The following GABRA3 variants were observed in gnomAD, a reference collection of about 807,000 sequenced individuals.
GABRA3 encodes the protein gamma-aminobutyric acid type A receptor subunit alpha3.
In GABRA3, 10 loss-of-function variants were observed where a neutral mutation model predicts 30.1. The observed-to-expected ratio is 0.33, with a 90% CI of 0.20 to 0.56. The LOEUF (loss-of-function observed/expected upper bound fraction) is 0.56. Ranked by LOEUF, GABRA3 falls within the 20% of genes least tolerant of loss-of-function variation. The probability of loss-of-function intolerance (pLI) is 0.89; values close to 1 mark genes in which losing one functional copy is unlikely to be tolerated. For synonymous variants in GABRA3, 151 were observed against 146.8 expected, an observed-to-expected ratio of 1.03 and a Z score of -0.21; for missense variants, 233 against 392.0, an observed-to-expected ratio of 0.59 and a Z score of 3.42.
chrX:152,247,663 A>C (rs1275812986), intron 5 of GABRA3, among the ~76,000 whole-genome samples: 4 of 111,827 alleles, frequency 3.6e-5, no homozygotes, highest in African/African-American at 1.3e-4. Context: ...CACTTCCTGC[A>C]ATGGTCTATG....
chrX:152,292,509 A>G (rs1186850128), intron 3 of GABRA3, among the ~76,000 whole-genome samples: 3 of 110,998 alleles, frequency 2.7e-5, no homozygotes, highest in Non-Finnish European at 5.7e-5. Flanking sequence ...TCCTGGATTC[A>G]CTGATTTTTT....
chrX:152,316,859 C>T (rs1254783841), intron 3 of GABRA3, among the ~76,000 whole-genome samples: 1 of 111,751 alleles, frequency 8.9e-6, no homozygotes, highest in Admixed American at 9.5e-5. Context: ...GCTAAAAGGA[C>T]CTCTGAATCT....
chrX:152,386,649 A>C lies in GABRA3; in HGVS notation c.-26-22053T>G, dbSNP rs368920857. On this transcript the variant is annotated intron_variant, in intron 1 of 9. Transcript: ENST00000370314. ...GATCATTAAAAAGTCAGGAAACAAC[A>C]GGTGCTGGAGAGGATGTGGAGAAAT... 4.4e-3 allele frequency among the ~76,000 whole-genome samples: 473 copies of C among 107,139 alleles called. 2 individuals carry two copies. Among genetic ancestry groups the C allele is most frequent in the African/African-American group, 0.015 (456 of 29,560 alleles). The allele number at this position is 107,139 out of a possible 115,157, so 93.0% of individuals were successfully genotyped here.
chrX:152,311,105 T>C (rs1939792351), intron 3 of GABRA3, among the ~76,000 whole-genome samples: 1 of 111,421 alleles, frequency 9.0e-6, no homozygotes, highest in Non-Finnish European at 1.9e-5. Context: ...GGACCAGATG[T>C]GCTCATGGCC....
At chrX:152,301,742 C>G (rs1939635253) in intron 3 of GABRA3, among the ~76,000 whole-genome samples, 1 of 111,172 alleles carries the variant, frequency 9.0e-6, no homozygotes, top group African/African-American at 3.3e-5. Flanking sequence ...CTATGTTGGC[C>G]AGGCTGGTCT....
intron 3 of GABRA3, among the ~76,000 whole-genome samples, chrX:152,335,147 A>G (rs953967512): frequency 1.8e-5 from 2 of 111,543 alleles, no homozygotes; most frequent in Non-Finnish European, 3.8e-5. Flanking sequence ...TGATCTGGCT[A>G]ATGGAGCAGT....
chrX:152,252,270 C>A (rs949748960), intron 5 of GABRA3, among the ~76,000 whole-genome samples: 2 of 111,701 alleles, frequency 1.8e-5, no homozygotes, highest in African/African-American at 6.5e-5. Flanking sequence ...CACTAATATC[C>A]TCCATGTTAC....
chrX:152,321,372 A>T (rs1204444384), intron 3 of GABRA3, among the ~76,000 whole-genome samples: 1 of 111,541 alleles, frequency 9.0e-6, no homozygotes, highest in Non-Finnish European at 1.9e-5. Flanking sequence ...AAATACAGGG[A>T]ATCAATATTT....
At chrX:152,191,297 C>T (rs1341191356) in intron 8 of GABRA3, among the ~76,000 whole-genome samples, 1 of 110,232 alleles carries the variant, frequency 9.1e-6, no homozygotes, top group African/African-American at 3.3e-5. Context: ...TTTTTCTAGT[C>T]TCAATGAGTA....
At position 152,311,043 on chromosome X, in the gene GABRA3, G is replaced by A. The variant is rs1396644151; in HGVS notation, c.263-26308C>T. Reference sequence around the variant, plus strand: ...TTGAAACCCTGAGCAAATCAATAATGAGTTCCAAAATTCAATTAATAATAA... The same window carrying A: ...TTGAAACCCTGAGCAAATCAATAATAAGTTCCAAAATTCAATTAATAATAA... On this transcript the variant is annotated intron_variant, in intron 3 of 9. Transcript: ENST00000370314. Among the ~76,000 whole-genome samples the A allele has an allele frequency of 4.1e-4, 46 of 111,010 alleles. No individual in the cohort carries two copies. In the Admixed American group the frequency reaches 4.3e-3, roughly 10 times the overall value.
chrX:152,207,527 C>G (rs1474781988), intron 7 of GABRA3, among the ~76,000 whole-genome samples: 1 of 112,038 alleles, frequency 8.9e-6, no homozygotes, highest in African/African-American at 3.2e-5. Context: ...ACGTGATCCC[C>G]TTAAGAAAAT....
chrX:152,299,364 G>A (rs1001060968), intron 3 of GABRA3, among the ~76,000 whole-genome samples: 3 of 110,742 alleles, frequency 2.7e-5, no homozygotes, highest in Non-Finnish European at 5.7e-5. Flanking sequence ...ACTGATGCCT[G>A]GGGTATGGCT....
At chrX:152,336,105 C>A (rs940073217) in intron 3 of GABRA3, among the ~76,000 whole-genome samples, 2 of 111,353 alleles carry the variant, frequency 1.8e-5, no homozygotes, top group African/African-American at 6.5e-5. Context: ...CCCAAAAGGG[C>A]AGTTACTGAG....
At chrX:152,283,457 T>C (rs778200393) in intron 4 of GABRA3, among the ~76,000 whole-genome samples, 14 of 111,692 alleles carry the variant, frequency 1.3e-4, no homozygotes, top group Non-Finnish European at 2.4e-4. Flanking sequence ...ATACTGATGA[T>C]TTCTTCTCCT....
chrX:152,212,726 G>T (rs1156479942), intron 6 of GABRA3, among the ~76,000 whole-genome samples: 1 of 111,749 alleles, frequency 8.9e-6, no homozygotes, highest in African/African-American at 3.3e-5. Flanking sequence ...ACTTTTCATG[G>T]TGCTTAAGAA....
chrX:152,435,199 G>A (rs1347160699), intron 1 of GABRA3, among the ~76,000 whole-genome samples: 1 of 111,400 alleles, frequency 9.0e-6, no homozygotes, highest in Admixed American at 9.5e-5. Flanking sequence ...ATTCCTCAAG[G>A]ATCTAGAACT....
intron 2 of GABRA3, among the ~76,000 whole-genome samples, chrX:152,358,618 C>T (rs1940587284): frequency 9.0e-6 from 1 of 111,374 alleles, no homozygotes; most frequent in Non-Finnish European, 1.9e-5. Flanking sequence ...ATGTCTTGTT[C>T]TGCCTTTCAA....
intron 3 of GABRA3, among the ~76,000 whole-genome samples, chrX:152,314,082 C>A (rs187473919): frequency 1.6e-4 from 18 of 111,717 alleles, no homozygotes; most frequent in Middle Eastern, 4.6e-3. Flanking sequence ...CAGACGGGCT[C>A]ATTTATCTGA....
intron 7 of GABRA3, among the ~76,000 whole-genome samples, chrX:152,199,182 T>C (rs147789656): frequency 0.023 from 2,477 of 109,230 alleles, 17 homozygotes; most frequent in Non-Finnish European, 0.03. Flanking sequence ...CTGGCTAACA[T>C]GGTGAAACCC....
Sources: gnomAD v4.1 joint callset for allele counts (sites outside exome capture counted in the v4.1 genomes callset) on GRCh38, gnomAD v4.1.1 for gene constraint, MANE v1.5 for transcripts, NCBI Gene and HGNC (gene_info 2026-07-23, HGNC 2026-07-21) for gene names.